TTC39A: variants seen among roughly 807,000 people sequenced by gnomAD.
The protein encoded by TTC39A is tetratricopeptide repeat protein 39A.
TTC39A carries 46 observed loss-of-function variants against 82.3 expected under a neutral mutation model. The observed-to-expected ratio is 0.56, with a 90% CI of 0.44 to 0.71. The LOEUF (loss-of-function observed/expected upper bound fraction) is 0.71, where lower values mean the gene tolerates loss of function less well. Among genes scored for constraint, TTC39A ranks in the 30% least tolerant of loss-of-function variants. TTC39A has a pLI of 0.00. For missense variants in TTC39A, 543 were observed against 712.9 expected, an observed-to-expected ratio of 0.76 and a Z score of 2.71; for synonymous variants, 254 against 275.2, an observed-to-expected ratio of 0.92 and a Z score of 0.76.
At chr1:51,343,356 C>T (rs1646060419) in intron 1 of TTC39A, among the ~76,000 whole-genome samples, 1 of 152,206 alleles carries the variant, frequency 6.6e-6, no homozygotes, top group Non-Finnish European at 1.5e-5. Flanking sequence ...TAAAGCCCTC[C>T]AGTGGCTTCC....
chr1:51,301,450 T>C, intron 12 of TTC39A, 122 bp downstream of exon 12: 1 of 1,300,570 alleles, frequency 7.7e-7, no homozygotes, highest in Non-Finnish European at 1.0e-6. Flanking sequence ...CCTATTAGAA[T>C]TTAAGGTTAT....
In TTC39A at chr1:51,288,152, C is replaced by A. The variant is rs768719580; in HGVS notation, c.*5G>T. 6.9e-5 allele frequency: 112 copies of A among 1,613,962 alleles called. No homozygotes were observed. Among genetic ancestry groups the A allele is most frequent in the Non-Finnish European group, 8.6e-5 (101 of 1,179,864 alleles). ...TGTCTTCCAGCCCGGAACTGCTGCA[C>A]AAAGCTACAAGGACACTGATGAGAC... is the stretch of plus-strand genomic sequence containing the variant. On this transcript the variant is annotated 3_prime_UTR_variant, in exon 18 of 18. Coordinates refer to ENST00000680483, the MANE Select transcript of TTC39A (RefSeq NM_001297663.2). The surrounding 1 kb of genome is among the most constrained non-coding windows in gnomAD (Gnocchi z 4.8).
At chr1:51,343,508 C>G (rs1646061985) in intron 1 of TTC39A, among the ~76,000 whole-genome samples, 1 of 152,202 alleles carries the variant, frequency 6.6e-6, no homozygotes, top group South Asian at 2.1e-4. Flanking sequence ...GCCTGCAATG[C>G]TTCAGCACTG....
chr1:51,322,031 A>G, intron 1 of TTC39A: 1 of 1,500,852 alleles, frequency 6.7e-7, no homozygotes, highest in African/African-American at 1.4e-5. Flanking sequence ...GAGGGGGAGC[A>G]GAAGGGAATG....
At chr1:51,292,269 C>G (rs1049800674) in intron 14 of TTC39A, among the ~76,000 whole-genome samples, 2 of 152,090 alleles carry the variant, frequency 1.3e-5, no homozygotes, top group African/African-American at 4.8e-5. Flanking sequence ...TGAGCATTTC[C>G]TAAACTATCA....
Position 51,294,661 on chromosome 1 carries a change from G to C in TTC39A, c.1146-150C>G. 8.1e-7 allele frequency: 1 copy of C among 1,240,770 alleles called. No individual in the cohort carries two copies. The highest frequency in any genetic ancestry group is 1.1e-6 in the Non-Finnish European group (1 of 910,534). 76.9% of individuals were successfully genotyped at this position (1,240,770 alleles called of 1,614,324 possible). A position where few individuals can be genotyped will look rare whatever the true frequency, so the allele number is the denominator to read the frequency against. On this transcript the variant is annotated intron_variant, in intron 13 of 17. Coordinates refer to ENST00000680483, the MANE Select transcript of TTC39A (RefSeq NM_001297663.2). The surrounding 1 kb of genome is among the most constrained non-coding windows in gnomAD (Gnocchi z 4.3). ...GTGTTAGACTCTAAAGAGCCTTCTAGGTCTGAAATAGCCTGCGGCTATAAT... is the reference window on the plus strand; with the variant it reads ...GTGTTAGACTCTAAAGAGCCTTCTACGTCTGAAATAGCCTGCGGCTATAAT...
At position 51,321,741 on chromosome 1, in the gene TTC39A, T is replaced by C. The variant is rs751530570; in HGVS notation, c.126A>G (p.Ala42=). Residue 42 remains alanine, a synonymous_variant, in exon 2 of 18, where the codon GCA becomes GCG. Transcript: ENST00000680483. This position sits in a 1 kb window ranked among gnomAD's most constrained non-coding sequence, Gnocchi z 4.6. ...CTCACCTGGGCTTGAGGTAGCTGAG[T>C]GCTTCTGAGAACTGGTTGGTGAGGA... ...DLFLTNQFSE[A]LSYLKPRTKE... 6 of 1,613,934 alleles carry C rather than the reference T, an allele frequency of 3.7e-6. No homozygotes were observed. The highest frequency in any genetic ancestry group is 3.3e-5 in the South Asian group (3 of 91,052).
At chr1:51,291,138 CT>C (rs1294384555) in intron 14 of TTC39A, among the ~76,000 whole-genome samples, 1 of 152,198 alleles carries the variant, frequency 6.6e-6, no homozygotes, top group African/African-American at 2.4e-5. Flanking sequence ...CATTGAGACT[CT>C]TAAAACACAT....
intron 6 of TTC39A, among the ~76,000 whole-genome samples, chr1:51,307,072 T>G (rs2148203323): frequency 6.6e-6 from 1 of 152,162 alleles, no homozygotes; most frequent in Non-Finnish European, 1.5e-5. Context: ...CTTGGCATAT[T>G]TGAAGAACTG....
upstream of TTC39A, chr1:51,330,963 G>A: frequency 3.1e-6 from 2 of 648,290 alleles, no homozygotes; most frequent in Non-Finnish European, 5.6e-6. This position sits in a 1 kb window ranked among gnomAD's most constrained non-coding sequence, Gnocchi z 4.5. Context: ...CCCAGAGTCA[G>A]GCCTGGATTT....
chr1:51,312,751 G>A (rs1240676385), intron 3 of TTC39A, 61 bp downstream of exon 3: 16 of 1,586,176 alleles, frequency 1.0e-5, no homozygotes, highest in Non-Finnish European at 1.2e-5. Context: ...CCCTGGAATG[G>A]GCCAGGGTGA....
At chr1:51,340,126 C>T (rs1380201769) in intron 1 of TTC39A, among the ~76,000 whole-genome samples, 2 of 152,218 alleles carry the variant, frequency 1.3e-5, no homozygotes, top group Non-Finnish European at 2.9e-5. Context: ...TCCCATCCTC[C>T]CGAACTGTGA....
At chr1:51,317,006 C>G (rs1174076238) in intron 2 of TTC39A, among the ~76,000 whole-genome samples, 2 of 152,144 alleles carry the variant, frequency 1.3e-5, no homozygotes, top group Non-Finnish European at 2.9e-5. Context: ...CCTCCATGTC[C>G]CAGAGACAGT....
At chr1:51,301,844 G>T in intron 11 of TTC39A, 111 bp from the exon 12 acceptor site, 1 of 1,462,924 alleles carries the variant, frequency 6.8e-7, no homozygotes, top group Non-Finnish European at 9.2e-7. Context: ...GGGCATAGTG[G>T]TCCAGCCCTG....
chr1:51,289,036 C>T (rs1038981962), intron 16 of TTC39A, 81 bp from the exon 17 acceptor site: 45 of 1,357,034 alleles, frequency 3.3e-5, no homozygotes, highest in Non-Finnish European at 4.5e-5. Context: ...AACCCGAACT[C>T]CAATTTTGGG....
At position 51,303,206 on chromosome 1, in the gene TTC39A, AG is replaced by A; in HGVS notation, c.655-15del. 3 of 503,248 alleles carry A rather than the reference AG, an allele frequency of 6.0e-6. No individual in the cohort carries two copies. The highest frequency in any genetic ancestry group is 1.2e-5 in the Non-Finnish European group (3 of 260,406). 31.2% of individuals were successfully genotyped at this position (503,248 alleles called of 1,614,324 possible). On this transcript the variant is annotated splice_polypyrimidine_tract_variant and intron_variant, in intron 8 of 17. Transcript: ENST00000680483. ...CAGCCCATAGTCCTGAGGGGATGGG[AG>A]GGTGGGTGAGGCTCCCAGAGAGGGC...
chr1:51,295,120 G>A (rs4926889), intron 13 of TTC39A, among the ~76,000 whole-genome samples: 150,965 of 152,226 alleles, frequency 0.99, 74,871 homozygotes, highest in East Asian at 1. Context: ...TAGGCTCAGG[G>A]AACAGCTGGA....
chr1:51,290,476 A>G (rs896970968), intron 15 of TTC39A, 38 bp downstream of exon 15: 5 of 1,583,310 alleles, frequency 3.2e-6, no homozygotes, highest in African/African-American at 1.3e-5. Flanking sequence ...TAAAGACCTG[A>G]CCTAGCATGG....
chr1:51,337,277 G>A (rs1645986066), intron 1 of TTC39A, among the ~76,000 whole-genome samples: 1 of 151,842 alleles, frequency 6.6e-6, no homozygotes, highest in Non-Finnish European at 1.5e-5. Flanking sequence ...CTCCAAATAT[G>A]CCAGGCACAT....
Sources: allele counts gnomAD v4.1 joint callset (sites outside exome capture counted in the v4.1 genomes callset), GRCh38; gene constraint gnomAD v4.1.1; non-coding constraint Gnocchi (gnomAD v3.1); transcripts MANE v1.5; gene names NCBI Gene and HGNC (gene_info 2026-07-23, HGNC 2026-07-21).